Variants in SGF29 observed in about 807,000 individuals in gnomAD.
The protein encoded by SGF29 is SAGA complex associated factor 29.
In SGF29, 15 loss-of-function variants were observed where a neutral mutation model predicts 38.1. The ratio of observed to expected loss-of-function variants is 0.39; its 90% CI spans 0.26 to 0.61. The LOEUF (loss-of-function observed/expected upper bound fraction) is 0.61, where lower values mean the gene tolerates loss of function less well. Among genes scored for constraint, SGF29 ranks in the 20% least tolerant of loss-of-function variants. The pLI, the probability that SGF29 is intolerant of heterozygous loss-of-function variation, is 0.49. For missense variants in SGF29, 184 were observed against 394.6 expected (o/e 0.47, Z 4.52); for synonymous variants, 151 against 160.8 (o/e 0.94, Z 0.46).
At chr16:28,572,203 C>T (rs552458861) in intron 1 of SGF29, among the ~76,000 whole-genome samples, 4 of 151,934 alleles carry the variant, frequency 2.6e-5, no homozygotes, top group Non-Finnish European at 5.9e-5. Context: ...GTCTCAATCT[C>T]CTGACCTTGT....
chr16:28,568,549 G>A (rs892973868), intron 1 of SGF29, among the ~76,000 whole-genome samples: 1 of 151,606 alleles, frequency 6.6e-6, no homozygotes, highest in East Asian at 2.0e-4. Context: ...AGACATGACT[G>A]CTGTTGCATC....
At chr16:28,580,819 C>A (rs1233976681) in intron 1 of SGF29, among the ~76,000 whole-genome samples, 3 of 152,178 alleles carry the variant, frequency 2.0e-5, no homozygotes, top group Non-Finnish European at 4.4e-5. Context: ...ATAGCTGGGA[C>A]TACAGATGTG....
chr16:28,568,599 G>T (rs180716811), intron 1 of SGF29, among the ~76,000 whole-genome samples: 96 of 151,580 alleles, frequency 6.3e-4, no homozygotes, highest in Non-Finnish European at 1.1e-3. Context: ...GGGTGGTTGG[G>T]GGGGGCTCAC....
chr16:28,585,083 G>T (rs1163105046), intron 3 of SGF29, 95 bp downstream of exon 3: 1 of 952,588 alleles, frequency 1.0e-6, no homozygotes, highest in Non-Finnish European at 1.6e-6. Context: ...ATTCAAAATA[G>T]ATTTGCATGT....
At chr16:28,564,603 G>GCATATATATACGTATATA (rs2046814860) in intron 1 of SGF29, among the ~76,000 whole-genome samples, 1 of 108,620 alleles carries the variant, frequency 9.2e-6, no homozygotes, top group African/African-American at 3.3e-5. Context: ...ACACATATAT[G>GCATATATATACGTATATA]TGTATATATA....
chr16:28,556,656 T>G (rs943591494), intron 1 of SGF29, among the ~76,000 whole-genome samples: 5 of 151,942 alleles, frequency 3.3e-5, no homozygotes, highest in Admixed American at 6.6e-5. Flanking sequence ...CTACTTATGT[T>G]TTTTTTAGAA....
intron 1 of SGF29, among the ~76,000 whole-genome samples, chr16:28,558,563 T>C (rs1303159375): frequency 2.0e-5 from 3 of 152,228 alleles, no homozygotes; most frequent in African/African-American, 7.2e-5. Context: ...CCCGCCTGTT[T>C]ATTGGTTTTG....
intron 1 of SGF29, among the ~76,000 whole-genome samples, chr16:28,564,829 A>T (rs138927223): frequency 6.9e-6 from 1 of 144,866 alleles, no homozygotes; most frequent in Non-Finnish European, 1.5e-5. Flanking sequence ...ACACATATAT[A>T]TGAGTTTATT....
intron 1 of SGF29, among the ~76,000 whole-genome samples, chr16:28,564,537 A>ACG (rs1423045546): frequency 1.0e-4 from 11 of 107,404 alleles, no homozygotes; most frequent in African/African-American, 1.7e-4. Flanking sequence ...GTATATATAT[A>ACG]TGTATATATA....
In SGF29 at chr16:28,585,365, T is replaced by C. The variant is rs1325662005; in HGVS notation, c.152-283T>C. On this transcript the variant is annotated intron_variant, in intron 3 of 9. Coordinates refer to ENST00000317058, the MANE Select transcript of SGF29 (RefSeq NM_138414.3). ...TCTTACTCTGGGTAACTCTGAGAAT[T>C]GTGTTTTCCTGGGTCCTGACAAATA... is the stretch of plus-strand genomic sequence containing the variant. 7.3e-6 allele frequency: 4 copies of C among 545,952 alleles called. No homozygotes were observed. In the African/African-American group the frequency reaches 7.6e-5, roughly 10 times the overall value. The allele number at this position is 545,952 out of a possible 1,614,324, so 33.8% of individuals were successfully genotyped here.
At position 28,590,137 on chromosome 16, in the gene SGF29, C is replaced by T; in HGVS notation, c.331C>T (p.Arg111Trp). Residue 111 changes from arginine (R) to tryptophan (W), a missense_variant, in exon 6 of 10, where the codon CGG (arginine) becomes TGG (tryptophan). Arg to Trp is a moderately radical substitution (Grantham distance 101). Coordinates refer to ENST00000317058, the MANE Select transcript of SGF29 (RefSeq NM_138414.3). This position sits in a 1 kb window ranked among gnomAD's most constrained non-coding sequence, Gnocchi z 8.2. ...AGLYNDSEPP[R>W]KTMRRGVLMT... Reference sequence around the variant, plus strand: ...TCTCTACAATGACTCGGAGCCACCCCGGAAGACCATGCGCAGAGGGGTGCT... The same window carrying T: ...TCTCTACAATGACTCGGAGCCACCCTGGAAGACCATGCGCAGAGGGGTGCT... 6 of 1,611,890 alleles carry T rather than the reference C, an allele frequency of 3.7e-6. No homozygotes were observed. Among genetic ancestry groups the T allele is most frequent in the Non-Finnish European group, 4.2e-6 (5 of 1,179,326 alleles).
At chr16:28,558,588 A>G (rs2046767449) in intron 1 of SGF29, among the ~76,000 whole-genome samples, 1 of 152,230 alleles carries the variant, frequency 6.6e-6, no homozygotes, top group African/African-American at 2.4e-5. Context: ...ATGCCTTGTC[A>G]TGAGGCATTA....
chr16:28,572,897 G>A (rs1185739416), intron 1 of SGF29, among the ~76,000 whole-genome samples: 2 of 151,386 alleles, frequency 1.3e-5, no homozygotes, highest in Non-Finnish European at 1.5e-5. Flanking sequence ...CCCCAGCCAC[G>A]TGTTCACATT....
chr16:28,566,578 T>C (rs1265480704), intron 1 of SGF29, among the ~76,000 whole-genome samples: 1 of 151,754 alleles, frequency 6.6e-6, no homozygotes, highest in Non-Finnish European at 1.5e-5. Flanking sequence ...CACTTTGGGC[T>C]CAGGAGTTCA....
chr16:28,589,193 C>T, intron 5 of SGF29, 29 bp downstream of exon 5: 1 of 1,612,874 alleles, frequency 6.2e-7, no homozygotes, highest in Non-Finnish European at 8.5e-7. Flanking sequence ...GCTGGGAGGT[C>T]CTTTGCTAGG....
chr16:28,572,835 C>T (rs527308756), intron 1 of SGF29, among the ~76,000 whole-genome samples: 1 of 152,228 alleles, frequency 6.6e-6, no homozygotes, highest in Non-Finnish European at 1.5e-5. Flanking sequence ...CTGCGCCTGC[C>T]TCCTCTCACA....
Position 28,590,499 on chromosome 16 carries a change from G to A in SGF29, c.566+57G>A. Reference sequence around the variant, plus strand: ...GGTCACCGAACTTGCCTGGGCTACGGGAGAAAAGCTCTGCAGAGGGTGCTC... The same window carrying A: ...GGTCACCGAACTTGCCTGGGCTACGAGAGAAAAGCTCTGCAGAGGGTGCTC... On this transcript the variant is annotated intron_variant, in intron 7 of 9. Coordinates refer to ENST00000317058, the MANE Select transcript of SGF29 (RefSeq NM_138414.3). The surrounding 1 kb of genome is among the most constrained non-coding windows in gnomAD (Gnocchi z 8.2). The A allele has an allele frequency of 6.2e-7, 1 of 1,613,686 alleles. No homozygotes were observed. Among genetic ancestry groups the A allele is most frequent in the Non-Finnish European group, 8.5e-7 (1 of 1,179,808 alleles).
intron 1 of SGF29, among the ~76,000 whole-genome samples, chr16:28,564,602 T>C (rs904557779): frequency 9.7e-5 from 13 of 133,420 alleles, no homozygotes; most frequent in Non-Finnish European, 1.9e-4. Context: ...CACACATATA[T>C]GTGTATATAT....
intron 1 of SGF29, among the ~76,000 whole-genome samples, chr16:28,556,152 T>A (rs2046749606): frequency 1.3e-5 from 2 of 152,284 alleles, no homozygotes; most frequent in South Asian, 4.1e-4. Flanking sequence ...AACCAATTGA[T>A]GAATATAGAT....
Sources: allele counts gnomAD v4.1 joint callset (sites outside exome capture counted in the v4.1 genomes callset), GRCh38; gene constraint gnomAD v4.1.1; non-coding constraint Gnocchi (gnomAD v3.1); transcripts MANE v1.5; gene names NCBI Gene and HGNC (gene_info 2026-07-23, HGNC 2026-07-21).